PRR11: variants seen among roughly 807,000 people sequenced by gnomAD.
PRR11 encodes proline rich 11.
Under a neutral mutation model 45.6 loss-of-function variants are expected in PRR11, and 30 were observed. The ratio of observed to expected loss-of-function variants is 0.66; its 90% CI spans 0.49 to 0.89. PRR11 has a LOEUF of 0.89. Among genes scored for constraint, PRR11 ranks in the 40% least tolerant of loss-of-function variants. PRR11 has a pLI of 0.00. For synonymous variants in PRR11, 128 were observed against 153.5 expected (o/e 0.83, Z 1.23); for missense variants, 373 against 424.8 (o/e 0.88, Z 1.07).
Position 59,173,766 on chromosome 17 carries a change from G to A in PRR11, c.128+3886G>A, listed in dbSNP as rs114557162. On this transcript the variant is annotated intron_variant, in intron 2 of 9. Transcript: ENST00000262293. ...AGTACCCCCCTGGTTCTGGGAGGACGACTTGATCACTCTATTCAGCTCCGT... is the reference window on the plus strand; with the variant it reads ...AGTACCCCCCTGGTTCTGGGAGGACAACTTGATCACTCTATTCAGCTCCGT... Among the ~76,000 whole-genome samples, 1,342 of 152,252 alleles carry A rather than the reference G, an allele frequency of 8.8e-3. 17 individuals are homozygous for A. The highest frequency in any genetic ancestry group is 0.031 in the African/African-American group (1,297 of 41,552).
chr17:59,174,857 TAAG>T (rs1417227493), intron 2 of PRR11: 1 of 1,252,728 alleles, frequency 8.0e-7, no homozygotes, highest in Non-Finnish European at 1.1e-6. Context: ...AAACGCCCCT[TAAG>T]AAGATGGGGA....
intron 7 of PRR11, among the ~76,000 whole-genome samples, chr17:59,197,254 AT>A (rs35057236): frequency 0.093 from 13,527 of 145,346 alleles, 739 homozygotes; most frequent in South Asian, 0.23. Context: ...GCAAGTTCTA[AT>A]TTTTTTTTTT....
intron 2 of PRR11, among the ~76,000 whole-genome samples, 191 bp from the exon 3 acceptor site, chr17:59,184,850 GTTTTTTTTTTTTT>G (rs5821252): frequency 5.0e-4 from 36 of 72,710 alleles, no homozygotes; most frequent in Admixed American, 2.3e-3. Context: ...GCCTGATTAA[GTTTTTTTTTTTTT>G]TTTTTTTTTT....
intron 6 of PRR11, 58 bp downstream of exon 6, chr17:59,194,913 C>T: frequency 4.2e-6 from 6 of 1,415,176 alleles, no homozygotes; most frequent in Non-Finnish European, 5.9e-6. Context: ...TAGGCTCATG[C>T]CTATAATCCC....
At chr17:59,183,058 G>A (rs578076060) in intron 2 of PRR11, among the ~76,000 whole-genome samples, 1 of 152,260 alleles carries the variant, frequency 6.6e-6, no homozygotes, top group Non-Finnish European at 1.5e-5. Flanking sequence ...CTTCCAATCA[G>A]GAAGGTTGGA....
intron 1 of PRR11, among the ~76,000 whole-genome samples, chr17:59,164,967 T>G (rs992482039): frequency 2.6e-5 from 4 of 152,160 alleles, no homozygotes; most frequent in African/African-American, 9.6e-5. Context: ...CCTAGGAGGC[T>G]CTCCTAAATA....
chr17:59,172,600 C>A (rs770224267), intron 2 of PRR11, among the ~76,000 whole-genome samples: 11 of 152,214 alleles, frequency 7.2e-5, no homozygotes, highest in Non-Finnish European at 1.2e-4. Flanking sequence ...CGTGGTTTGG[C>A]GGCCCCCACA....
rs138244192 is a variant in PRR11 at position 59,160,491 on chromosome 17, G to A, written c.-6+4686G>A. 1.8e-3 allele frequency among the ~76,000 whole-genome samples: 274 copies of A among 152,094 alleles called. 2 individuals are homozygous for A. Among genetic ancestry groups the A allele is most frequent in the African/African-American group, 6.3e-3 (262 of 41,468 alleles). The stretch of plus-strand genomic sequence containing the variant: ...TCACTGTGTTTGCCAGTCTGGTCTC[G>A]AACTTGACCTCAAGTGATCCATCCA... On this transcript the variant is annotated intron_variant, in intron 1 of 9. Transcript: ENST00000262293.
intron 2 of PRR11, chr17:59,175,039 G>T (rs1213608035): frequency 6.4e-6 from 4 of 624,486 alleles, no homozygotes; most frequent in Non-Finnish European, 1.1e-5. Flanking sequence ...TGGAACAAGG[G>T]TATCTGGGAG....
chr17:59,170,822 A>G (rs2046703970), intron 2 of PRR11, among the ~76,000 whole-genome samples: 1 of 152,232 alleles, frequency 6.6e-6, no homozygotes, highest in South Asian at 2.1e-4. Context: ...ACATGACAGC[A>G]AATAATCAAT....
At chr17:59,175,997 C>A (rs766389722) in intron 2 of PRR11, among the ~76,000 whole-genome samples, 15 of 152,160 alleles carry the variant, frequency 9.9e-5, no homozygotes, top group Admixed American at 6.5e-5. Context: ...GTAATCAGGG[C>A]AGATGACGTA....
chr17:59,190,486 AAAAAAAG>A (rs897798743), intron 4 of PRR11, among the ~76,000 whole-genome samples: 1 of 152,138 alleles, frequency 6.6e-6, no homozygotes, highest in Non-Finnish European at 1.5e-5. Context: ...TCTCAAAAAA[AAAAAAAG>A]AAAAAAGAAT....
At chr17:59,195,518 G>T in intron 7 of PRR11, 75 bp downstream of exon 7, 5 of 946,522 alleles carry the variant, frequency 5.3e-6, no homozygotes, top group East Asian at 2.6e-5. Flanking sequence ...CTAAAGAAAA[G>T]GAAAAAAAGA....
intron 2 of PRR11, among the ~76,000 whole-genome samples, chr17:59,173,593 C>G (rs1250301956): frequency 6.6e-6 from 1 of 152,150 alleles, no homozygotes; most frequent in Non-Finnish European, 1.5e-5. Context: ...CCAGCAAGAC[C>G]ACGAACCCGC....
At chr17:59,199,044 T>C (rs1404380233) in intron 9 of PRR11, among the ~76,000 whole-genome samples, 1 of 152,048 alleles carries the variant, frequency 6.6e-6, no homozygotes, top group Admixed American at 6.6e-5. Flanking sequence ...GTGGGGAAAA[T>C]AGGCATTCAT....
chr17:59,199,349 A>G (rs7223491), intron 9 of PRR11, among the ~76,000 whole-genome samples: 66,176 of 152,080 alleles, frequency 0.44, 16,249 homozygotes, highest in African/African-American at 0.68. Context: ...TCAAGGAACT[A>G]AGAAGTGACC....
chr17:59,161,423 A>C (rs1169800451), intron 1 of PRR11, among the ~76,000 whole-genome samples: 2 of 150,806 alleles, frequency 1.3e-5, no homozygotes, highest in Non-Finnish European at 3.0e-5. Flanking sequence ...AAAAAAAAAA[A>C]CAAAAACATA....
intron 2 of PRR11, among the ~76,000 whole-genome samples, chr17:59,183,164 G>A (rs1277698997): frequency 6.6e-6 from 1 of 152,172 alleles, no homozygotes; most frequent in Admixed American, 6.6e-5. Context: ...GATCCTGGGT[G>A]AATGGTATCT....
At position 59,204,089 on chromosome 17, in the gene PRR11, A is replaced by C. The variant is rs532052064; in HGVS notation, c.*2458A>C. On this transcript the variant is annotated 3_prime_UTR_variant, in exon 10 of 10. Coordinates refer to ENST00000262293, the MANE Select transcript of PRR11 (RefSeq NM_018304.4). ...ATGACTTGACCATTCTTGTGGGATA[A>C]GAGATCATTAAAAAAATGCTAGGGC... The C allele has an allele frequency of 6.6e-6, 1 of 152,186 alleles. No individual in the cohort carries two copies. The highest frequency in any genetic ancestry group is 2.4e-5 in the African/African-American group (1 of 41,532). 9.4% of individuals were successfully genotyped at this position (152,186 alleles called of 1,614,324 possible).
Sources: gnomAD v4.1 joint callset for allele counts (sites outside exome capture counted in the v4.1 genomes callset) on GRCh38, gnomAD v4.1.1 for gene constraint, MANE v1.5 for transcripts, NCBI Gene and HGNC (gene_info 2026-07-23, HGNC 2026-07-21) for gene names.